Variants in FREM2 observed in about 807,000 individuals in gnomAD.
The protein encoded by FREM2 is FRAS1-related extracellular matrix protein 2.
FREM2 carries 119 observed loss-of-function variants against 219.9 expected under a neutral mutation model. The ratio of observed to expected loss-of-function variants is 0.54; its 90% CI spans 0.47 to 0.63. FREM2 has a LOEUF of 0.63. Among genes scored for constraint, FREM2 ranks in the 30% least tolerant of loss-of-function variants. FREM2 has a pLI of 0.00. For synonymous variants in FREM2, 1,562 were observed against 1,522.8 expected, an observed-to-expected ratio of 1.03 and a Z score of -0.60; for missense variants, 4,030 against 3,993.6, an observed-to-expected ratio of 1.01 and a Z score of -0.25.
At chr13:38,734,738 CT>C (rs11314517) in intron 2 of FREM2, among the ~76,000 whole-genome samples, 3,086 of 89,228 alleles carry the variant, frequency 0.035, 46 homozygotes, top group African/African-American at 0.1. Flanking sequence ...CAGTGCTATA[CT>C]TTTTTTTTTT....
chr13:38,829,902 T>A (rs891048074), intron 6 of FREM2, among the ~76,000 whole-genome samples: 1 of 152,118 alleles, frequency 6.6e-6, no homozygotes, highest in African/African-American at 2.4e-5. Context: ...CTGCAACTTT[T>A]GTCTTTAAAA....
chr13:38,746,968 C>T (rs1053211934), intron 2 of FREM2, among the ~76,000 whole-genome samples: 1 of 152,130 alleles, frequency 6.6e-6, no homozygotes, highest in East Asian at 1.9e-4. Flanking sequence ...GTTGGAGCTT[C>T]CAAAGCCATC....
At chr13:38,747,640 ATAT>A (rs1256777397) in intron 2 of FREM2, among the ~76,000 whole-genome samples, 1 of 152,184 alleles carries the variant, frequency 6.6e-6, no homozygotes, top group Admixed American at 6.5e-5. Flanking sequence ...CAACTTATTA[ATAT>A]TATTACCATA....
At position 38,691,342 on chromosome 13, in the gene FREM2, A is replaced by G. The variant is rs1186098347; in HGVS notation, c.3998A>G (p.Asp1333Gly). ...NNKILMATDL[D>G]SEDKSLVYII... ...AAAATATTAATGGCAACAGATTTAG[A>G]TTCAGAAGACAAATCTTTGGTTTAT... The change falls in exon 1 of 24, where the codon GAT becomes GGT. Residue 1333 changes from aspartate (D) to glycine (G), a missense_variant. Physicochemically the swap from Asp to Gly is moderately conservative, Grantham distance 94 (BLOSUM62 -1). Around this residue, in one of 2 missense-constraint regions of FREM2, gnomAD observed 3,102 missense variants for 2,950.7 expected, o/e 1.05. Transcript: ENST00000280481. The G allele has an allele frequency of 6.2e-7, 1 of 1,613,854 alleles. No homozygotes were observed. Among genetic ancestry groups the G allele is most frequent in the South Asian group, 1.1e-5 (1 of 91,080 alleles).
At chr13:38,787,924 A>G (rs1874398217) in intron 6 of FREM2, among the ~76,000 whole-genome samples, 1 of 152,076 alleles carries the variant, frequency 6.6e-6, no homozygotes, top group Non-Finnish European at 1.5e-5. Context: ...GTCTCATGAG[A>G]GCAAATCAAA....
chr13:38,777,478 C>A (rs1256787311), intron 4 of FREM2, among the ~76,000 whole-genome samples: 2 of 152,208 alleles, frequency 1.3e-5, no homozygotes, highest in Admixed American at 6.5e-5. Context: ...ACCAACCTAA[C>A]TTTCAGCTGC....
chr13:38,769,941 T>C, intron 4 of FREM2, 133 bp downstream of exon 4: 2 of 732,676 alleles, frequency 2.7e-6, no homozygotes, highest in South Asian at 3.0e-5. Context: ...AGATTAATGA[T>C]TCATTATTCT....
At chr13:38,772,977 G>T (rs1316889131) in intron 4 of FREM2, among the ~76,000 whole-genome samples, 5 of 152,038 alleles carry the variant, frequency 3.3e-5, no homozygotes, top group East Asian at 1.9e-4. Context: ...GATTACAGGG[G>T]TGAGCCACCG....
intron 14 of FREM2, among the ~76,000 whole-genome samples, chr13:38,860,585 A>G (rs1175414299): frequency 1.3e-5 from 2 of 152,214 alleles, no homozygotes; most frequent in Admixed American, 1.3e-4. Context: ...TAAATCAGAC[A>G]GCCTCTATGC....
intron 6 of FREM2, among the ~76,000 whole-genome samples, chr13:38,812,814 T>C (rs189697529): frequency 2.0e-5 from 3 of 151,704 alleles, no homozygotes; most frequent in Admixed American, 6.6e-5. Flanking sequence ...GCCCGGGAGA[T>C]TGAGGCTGCA....
intron 7 of FREM2, among the ~76,000 whole-genome samples, chr13:38,846,939 C>T (rs897363825): frequency 3.9e-5 from 6 of 151,970 alleles, no homozygotes; most frequent in East Asian, 3.8e-4. Context: ...AGGTTACAAA[C>T]GTTAAGACTC....
chr13:38,832,078 G>A (rs919666539), intron 6 of FREM2, among the ~76,000 whole-genome samples: 4 of 152,128 alleles, frequency 2.6e-5, no homozygotes, highest in African/African-American at 9.6e-5. Context: ...TGTCTTGGAG[G>A]CCAAGGCAGG....
intron 4 of FREM2, among the ~76,000 whole-genome samples, chr13:38,772,822 G>A (rs986830240): frequency 6.6e-6 from 1 of 151,660 alleles, no homozygotes; most frequent in African/African-American, 2.4e-5. Flanking sequence ...TCATCCTCCT[G>A]AGTAGCCTGG....
At chr13:38,766,032 G>T (rs564206874) in intron 3 of FREM2, among the ~76,000 whole-genome samples, 1 of 152,246 alleles carries the variant, frequency 6.6e-6, no homozygotes, top group African/African-American at 2.4e-5. Context: ...AAATCATGGG[G>T]AAAATGATAA....
chr13:38,820,283 T>C (rs1451673886), intron 6 of FREM2, among the ~76,000 whole-genome samples: 1 of 152,130 alleles, frequency 6.6e-6, no homozygotes, highest in Admixed American at 6.6e-5. Context: ...AATATTGTCT[T>C]GAGTTTGTTT....
chr13:38,741,614 A>G (rs1872252255), intron 2 of FREM2, among the ~76,000 whole-genome samples: 1 of 152,154 alleles, frequency 6.6e-6, no homozygotes, highest in East Asian at 1.9e-4. Flanking sequence ...TTTTGGACAC[A>G]TCACAAATTG....
intron 4 of FREM2, among the ~76,000 whole-genome samples, chr13:38,782,634 A>G (rs1874162002): frequency 6.6e-6 from 1 of 152,216 alleles, no homozygotes; most frequent in African/African-American, 2.4e-5. Flanking sequence ...TTGGCCAGCC[A>G]TTGACAAATA....
At chr13:38,833,722 A>G (rs565123928) in intron 6 of FREM2, among the ~76,000 whole-genome samples, 13 of 152,290 alleles carry the variant, frequency 8.5e-5, no homozygotes, top group African/African-American at 3.1e-4. Context: ...ATCTATAGGT[A>G]GATGAAACTT....
At chr13:38,804,694 A>G (rs965612646) in intron 6 of FREM2, among the ~76,000 whole-genome samples, 1 of 152,216 alleles carries the variant, frequency 6.6e-6, no homozygotes, top group Admixed American at 6.5e-5. Context: ...GAACAGATGA[A>G]GCATTTAAAA....
Sources: gnomAD v4.1 joint callset for allele counts (sites outside exome capture counted in the v4.1 genomes callset) on GRCh38, gnomAD v4.1.1 for gene constraint, gnomAD v4.1.1 regional missense constraint, MANE v1.5 for transcripts, NCBI Gene and HGNC (gene_info 2026-07-23, HGNC 2026-07-21) for gene names.